SAMD9: variants seen among roughly 807,000 people sequenced by gnomAD.
The protein encoded by SAMD9 is sterile alpha motif domain-containing protein 9.
A neutral mutation model predicts 1.5 loss-of-function variants in SAMD9; 3 were observed. The ratio of observed to expected loss-of-function variants is 2.05; its 90% CI spans 0.93 to 5.29. The LOEUF (loss-of-function observed/expected upper bound fraction) is 5.29, where lower values mean the gene tolerates loss of function less well. Ranked by LOEUF, SAMD9 falls within the 30% of genes most tolerant of loss-of-function variation. SAMD9 has a pLI of 0.02. For synonymous variants in SAMD9, 635 were observed against 631.9 expected, an observed-to-expected ratio of 1.00 and a Z score of -0.07; for missense variants, 1,597 against 1,820.8, an observed-to-expected ratio of 0.88 and a Z score of 2.24.
chr7:93,115,579 A>G (rs190814526), intron 1 of SAMD9, among the ~76,000 whole-genome samples: 1 of 152,320 alleles, frequency 6.6e-6, no homozygotes, highest in East Asian at 1.9e-4. Flanking sequence ...ATATCTTGAT[A>G]TGGCTAGCGG....
Position 93,104,417 on chromosome 7 carries a change from A to T in SAMD9, c.1681T>A (p.Cys561Ser). 1 of 1,614,026 alleles carries T rather than the reference A, an allele frequency of 6.2e-7. No individual in the cohort carries two copies. The highest frequency in any genetic ancestry group is 8.5e-7 in the Non-Finnish European group (1 of 1,179,896). Reference sequence around the variant, plus strand: ...CCTTTGAGATCCTGGTAGAAAGCACAGAAAGTCTCAATGAGGGGATCTCTT... The same window carrying T: ...CCTTTGAGATCCTGGTAGAAAGCACTGAAAGTCTCAATGAGGGGATCTCTT... ...DPRDPLIETF[C>S]AFYQDLKGME... The change falls in exon 3 of 3, where the codon TGT becomes AGT. Residue 561 changes from cysteine (C) to serine (S), a missense_variant. Physicochemically the swap from Cys to Ser is moderately radical, Grantham distance 112 (BLOSUM62 -1). Coordinates refer to ENST00000379958, the MANE Select transcript of SAMD9 (RefSeq NM_017654.4).
Position 93,106,068 on chromosome 7 carries a change from AT to A in SAMD9, c.29del (p.Asn10IlefsTer10), listed in dbSNP as rs1356051307. The A allele has an allele frequency of 8.8e-6, 14 of 1,592,904 alleles. No individual in the cohort carries two copies. Among genetic ancestry groups the A allele is most frequent in the Non-Finnish European group, 1.1e-5 (13 of 1,173,410 alleles). The stretch of plus-strand genomic sequence containing the variant: ...CATCCTCTTTTGTCCAATCATCTGT[AT>A]TTTCTGGAAGGTTAAGTTGCTTTGC... The part of the protein sequence containing the change: MAKQLNLPE[N>X]TDDWTKEDVN... On this transcript the variant is annotated frameshift_variant, in exon 3 of 3. Transcript: ENST00000379958. LOFTEE classifies it low-confidence loss of function (END_TRUNC).
rs200178876 is a variant in SAMD9 at position 93,101,540 on chromosome 7, C to T, written c.4558G>A (p.Glu1520Lys). 4 of 1,613,792 alleles carry T rather than the reference C, an allele frequency of 2.5e-6. No homozygotes were observed. Among genetic ancestry groups the T allele is most frequent in the Non-Finnish European group, 3.4e-6 (4 of 1,179,788 alleles). Residue 1520 changes from glutamate (E) to lysine (K), a missense_variant, in exon 3 of 3, where the codon GAG becomes AAG. Around this residue, in one of 6 missense-constraint regions of SAMD9, gnomAD observed 682 missense variants for 810.0 expected, o/e 0.84. Coordinates refer to ENST00000379958, the MANE Select transcript of SAMD9 (RefSeq NM_017654.4). The stretch of plus-strand genomic sequence containing the variant: ...AGCAAAAGTTCTTGGACTTTTTCCT[C>T]CTTCCACACATCTCCACTCTGCCAC... ...SLWQSGDVWK[E>K]EKVQELLLRL...
In SAMD9 at chr7:93,104,694, T is replaced by C. The variant is rs767256482; in HGVS notation, c.1404A>G (p.Val468=). The C allele has an allele frequency of 3.7e-6, 6 of 1,613,880 alleles. No homozygotes were observed. The African/African-American group carries it at 6.7e-5, about 18-fold the overall frequency. ...SRVANLHFPS[V]YVEQKTTPNE... ...TTGGTGTGGTTTTCTGTTCTACATA[T>C]ACACTTGGAAAGTGAAGGTTTGCTA... The change falls in exon 3 of 3, where the codon GTA becomes GTG. Residue 468 remains valine (V), a synonymous_variant. Coordinates refer to ENST00000379958, the MANE Select transcript of SAMD9 (RefSeq NM_017654.4).
At chr7:93,116,731 G>A (rs1262275262) in intron 1 of SAMD9, among the ~76,000 whole-genome samples, 3 of 152,136 alleles carry the variant, frequency 2.0e-5, no homozygotes, top group African/African-American at 7.2e-5. Flanking sequence ...GCTAAATAAG[G>A]GTAGGGGGAG....
Position 93,105,281 on chromosome 7 carries a change from CA to C in SAMD9, c.816del (p.Phe272LeufsTer127). ...TTTGCTTGTTGGACTTGATGGTCTT[CA>C]AAATACTTGTTTATCATCAGATTGA... ...NHFNLMINKY[F>X]EDHQVQQAKK... On this transcript the variant is annotated frameshift_variant, in exon 3 of 3. Transcript: ENST00000379958. LOFTEE classifies it low-confidence loss of function (END_TRUNC). The C allele has an allele frequency of 1.2e-6, 2 of 1,613,880 alleles. No individual in the cohort carries two copies. The highest frequency in any genetic ancestry group is 2.7e-5 in the African/African-American group (2 of 74,976).
rs1489138937 is a variant in SAMD9, at chr7:93,114,820, G to GA, written c.-35dup. 1 of 152,142 alleles carries GA rather than the reference G, an allele frequency of 6.6e-6. No homozygotes were observed. Among genetic ancestry groups the GA allele is most frequent in the African/African-American group, 2.4e-5 (1 of 41,424 alleles). The allele number at this position is 152,142 out of a possible 1,614,324, so 9.4% of individuals were successfully genotyped here. On this transcript the variant is annotated 5_prime_UTR_variant, in exon 2 of 3. Coordinates refer to ENST00000379958, the MANE Select transcript of SAMD9 (RefSeq NM_017654.4). The stretch of plus-strand genomic sequence containing the variant: ...CAAACTGACTCTAGAAGAAACCGAA[G>GA]AAGTCTCACTTCCAGGGTGATGTAG...
intron 2 of SAMD9, among the ~76,000 whole-genome samples, chr7:93,113,534 A>C (rs894777307): frequency 2.6e-5 from 4 of 152,252 alleles, no homozygotes. Flanking sequence ...GAATGGGAGA[A>C]AATTTTTACA....
At position 93,104,414 on chromosome 7, in the gene SAMD9, C is replaced by T. The variant is rs139784645; in HGVS notation, c.1684G>A (p.Ala562Thr). 39 of 1,613,790 alleles carry T rather than the reference C, an allele frequency of 2.4e-5. No homozygotes were observed. The highest frequency in any genetic ancestry group is 3.1e-5 in the Non-Finnish European group (37 of 1,179,870). ...PRDPLIETFCAFYQDLKGMEN... is the reference protein window; with the variant it reads ...PRDPLIETFCTFYQDLKGMEN... ...ATTCCTTTGAGATCCTGGTAGAAAG[C>T]ACAGAAAGTCTCAATGAGGGGATCT... Residue 562 changes from alanine to threonine, a missense_variant, in exon 3 of 3, where the codon GCT (alanine) becomes ACT (threonine). This residue lies in a region of SAMD9 where 358 missense variants were observed against 460.4 expected (regional missense o/e 0.78). Transcript: ENST00000379958.
Position 93,103,549 on chromosome 7 carries a change from C to T in SAMD9, c.2549G>A (p.Ser850Asn). The T allele has an allele frequency of 1.2e-6, 2 of 1,613,706 alleles. No homozygotes were observed. Among genetic ancestry groups the T allele is most frequent in the Middle Eastern group, 1.7e-4 (1 of 6,060 alleles). Residue 850 changes from serine to asparagine, a missense_variant, in exon 3 of 3, where the codon AGT (serine) becomes AAT (asparagine). Transcript: ENST00000379958. Reference sequence around the variant, plus strand: ...AGAGAGTTGCTGTATTACGGCAATACTGTCTGGGATCCTTGCACTTTTTTC... The same window carrying T: ...AGAGAGTTGCTGTATTACGGCAATATTGTCTGGGATCCTTGCACTTTTTTC... The part of the protein sequence containing the change: ...NPEKSARIPD[S>N]IAVIQQLSPK...
In SAMD9 at chr7:93,114,832, C is replaced by A. The variant is rs1441475613; in HGVS notation, c.-46G>T. ...AGAAGAAACCGAAGAAGTCTCACTT[C>A]CAGGGTGATGTAGGAGATCACAAAA... On this transcript the variant is annotated 5_prime_UTR_variant, in exon 2 of 3. Transcript: ENST00000379958. The A allele has an allele frequency of 6.6e-6, 1 of 152,166 alleles. No homozygotes were observed. Among genetic ancestry groups the A allele is most frequent in the Non-Finnish European group, 1.5e-5 (1 of 68,032 alleles). The allele number at this position is 152,166 out of a possible 1,614,324, so 9.4% of individuals were successfully genotyped here.
At position 93,102,077 on chromosome 7, in the gene SAMD9, C is replaced by A; in HGVS notation, c.4021G>T (p.Ala1341Ser). The change falls in exon 3 of 3, where the codon GCA becomes TCA. Residue 1341 changes from alanine to serine, a missense_variant. Physicochemically the swap from Ala to Ser is moderately conservative, Grantham distance 99. This residue lies in a region of SAMD9 where 682 missense variants were observed against 810.0 expected (regional missense o/e 0.84). Transcript: ENST00000379958. ...TCCAAGAGCCCAGAAAACTTGTCTG[C>A]TTTTAAAGCTACTAGGTTTCTCCTG... ...RCRRNLVALKADKFSGLLEYL... is the reference protein window; with the variant it reads ...RCRRNLVALKSDKFSGLLEYL... The A allele has an allele frequency of 6.2e-7, 1 of 1,613,178 alleles. No individual in the cohort carries two copies. Among genetic ancestry groups the A allele is most frequent in the African/African-American group, 1.3e-5 (1 of 75,014 alleles).
Sources: allele counts gnomAD v4.1 joint callset (sites outside exome capture counted in the v4.1 genomes callset), GRCh38; gene constraint gnomAD v4.1.1; regional missense constraint gnomAD v4.1.1; transcripts MANE v1.5; gene names NCBI Gene and HGNC (gene_info 2026-07-23, HGNC 2026-07-21).